The following NHSL1 variants were observed in gnomAD, a reference collection of about 807,000 sequenced individuals.
NHSL1 encodes the protein NHS-like protein 1.
A neutral mutation model predicts 95.0 loss-of-function variants in NHSL1; 48 were observed. The ratio of observed to expected loss-of-function variants is 0.51; its 90% CI spans 0.40 to 0.64. The LOEUF is 0.64. Among genes scored for constraint, NHSL1 ranks in the 30% least tolerant of loss-of-function variants. The pLI is 0.00. For missense variants in NHSL1, 1,971 were observed against 2,077.7 expected (o/e 0.95, Z 1.00); for synonymous variants, 783 against 833.9 (o/e 0.94, Z 1.05).
chr6:138,592,613 AAAC>A (rs1356304196), intron 1 of NHSL1, among the ~76,000 whole-genome samples: 4 of 134,178 alleles, frequency 3.0e-5, no homozygotes, highest in East Asian at 4.7e-4. Flanking sequence ...AAAAAACAAA[AAAC>A]AACAAAAAAC....
At chr6:138,662,701 A>C (rs1026371905) in intron 1 of NHSL1, among the ~76,000 whole-genome samples, 3 of 152,176 alleles carry the variant, frequency 2.0e-5, no homozygotes, top group Non-Finnish European at 2.9e-5. Flanking sequence ...ACAAGCATGG[A>C]TATATGACGA....
Position 138,433,088 on chromosome 6 carries a change from A to G in NHSL1, c.1257T>C (p.Ser419=). The change falls in exon 6 of 8, where the codon TCT becomes TCC. Residue 419 remains serine (S), a synonymous_variant. Coordinates refer to ENST00000343505, the MANE Select transcript of NHSL1 (RefSeq NM_001144060.2). ...STSIIPNATL[S]SSSEVIAIPT... ...GAATAGCGATGACCTCGGAAGAGGA[A>G]GACAGTGTGGCATTTGGGATGATGC... is the stretch of plus-strand genomic sequence containing the variant. 1 of 1,551,066 alleles carries G rather than the reference A, an allele frequency of 6.4e-7. No individual in the cohort carries two copies. Among genetic ancestry groups the G allele is most frequent in the Non-Finnish European group, 8.7e-7 (1 of 1,146,808 alleles).
At chr6:138,447,262 C>A in intron 3 of NHSL1, 69 bp from the exon 4 acceptor site, 2 of 1,308,040 alleles carry the variant, frequency 1.5e-6, no homozygotes, top group Admixed American at 2.7e-5. Context: ...AAATATATTT[C>A]TTATTTTTAA....
At chr6:138,505,901 A>T (rs1780940031) in intron 1 of NHSL1, among the ~76,000 whole-genome samples, 1 of 152,178 alleles carries the variant, frequency 6.6e-6, no homozygotes, top group African/African-American at 2.4e-5. Context: ...GGGTGTTTTT[A>T]AAAATCAAGT....
chr6:138,612,074 C>T (rs1314962155), intron 1 of NHSL1, among the ~76,000 whole-genome samples: 1 of 138,870 alleles, frequency 7.2e-6, no homozygotes, highest in Non-Finnish European at 1.5e-5. Context: ...CACGCCACTG[C>T]ACTCCAGCCT....
chr6:138,572,847 G>GTAGGTAGATAGATAGA (rs1491371552), upstream of NHSL1, among the ~76,000 whole-genome samples: 15 of 149,852 alleles, frequency 1.0e-4, no homozygotes, highest in Non-Finnish European at 1.9e-4. Flanking sequence ...GCTTAATACA[G>GTAGGTAGATAGATAGA]TAGATAGATA....
At chr6:138,452,741 C>T (rs560922597) in intron 3 of NHSL1, among the ~76,000 whole-genome samples, 142 of 152,184 alleles carry the variant, frequency 9.3e-4, no homozygotes, top group African/African-American at 3.3e-3. Flanking sequence ...ACGTCTGCAG[C>T]CTTTTGGCTA....
At chr6:138,429,677 GTAGAT>G (rs1459474163) in intron 7 of NHSL1, 29 bp downstream of exon 7, 1 of 1,526,414 alleles carries the variant, frequency 6.6e-7, no homozygotes. Flanking sequence ...GAATTACACA[GTAGAT>G]TAAAGTCAGA....
At chr6:138,630,047 T>C (rs907360659) in intron 1 of NHSL1, among the ~76,000 whole-genome samples, 4 of 152,170 alleles carry the variant, frequency 2.6e-5, no homozygotes, top group African/African-American at 7.2e-5. Flanking sequence ...ACCCTGTCTC[T>C]ACAAAAAATC....
In NHSL1 at chr6:138,496,210, C is replaced by T. The variant is rs1311841919; in HGVS notation, c.211+9G>A. 6.4e-6 allele frequency: 10 copies of T among 1,550,656 alleles called. No homozygotes were observed. The highest frequency in any genetic ancestry group is 7.8e-6 in the Non-Finnish European group (9 of 1,146,578). ...CAAGAAAATAAGCTCACAGAGGATG[C>T]CATCTTACCCCTCAGTACTGATTTG... On this transcript the variant is annotated intron_variant, in intron 2 of 7. Coordinates refer to ENST00000343505, the MANE Select transcript of NHSL1 (RefSeq NM_001144060.2).
chr6:138,635,483 T>C (rs1190973358), intron 1 of NHSL1, among the ~76,000 whole-genome samples: 2 of 152,162 alleles, frequency 1.3e-5, no homozygotes, highest in East Asian at 3.9e-4. Flanking sequence ...GATTGAACCA[T>C]GAAGAAATCC....
intron 1 of NHSL1, among the ~76,000 whole-genome samples, chr6:138,620,523 T>C (rs1784641563): frequency 6.6e-6 from 1 of 152,208 alleles, no homozygotes; most frequent in Non-Finnish European, 1.5e-5. Flanking sequence ...GTATCATTTC[T>C]AGAAAATAGG....
intron 1 of NHSL1, among the ~76,000 whole-genome samples, chr6:138,619,597 T>C (rs192704447): frequency 8.5e-5 from 13 of 152,144 alleles, no homozygotes; most frequent in South Asian, 4.1e-4. Flanking sequence ...GTTTGAGGAG[T>C]GTACAAATAG....
At chr6:138,528,524 C>T (rs1002436573) in intron 1 of NHSL1, among the ~76,000 whole-genome samples, 2 of 152,158 alleles carry the variant, frequency 1.3e-5, no homozygotes, top group East Asian at 3.8e-4. Flanking sequence ...GAGGGAAAAA[C>T]ATATAATTCA....
Position 138,430,727 on chromosome 6 carries a change from TG to T in NHSL1, c.3617del (p.Pro1206HisfsTer15). On this transcript the variant is annotated frameshift_variant, in exon 6 of 8. Coordinates refer to ENST00000343505, the MANE Select transcript of NHSL1 (RefSeq NM_001144060.2). LOFTEE classifies it high-confidence loss of function. The surrounding 1 kb of genome is among the most constrained non-coding windows in gnomAD (Gnocchi z 4.7). ...SKKPKLFLVV[P>X]PPQKDFAVEP... The stretch of plus-strand genomic sequence containing the variant: ...CCACTGCAAAATCTTTCTGCGGAGG[TG>T]GTACCACCAGGAACAGTTTGGGCTT... 6.4e-7 allele frequency: 1 copy of T among 1,551,510 alleles called. No homozygotes were observed. Among genetic ancestry groups the T allele is most frequent in the Non-Finnish European group, 8.7e-7 (1 of 1,146,974 alleles).
Position 138,431,496 on chromosome 6 carries a change from A to C in NHSL1, c.2849T>G (p.Leu950Arg). Residue 950 changes from leucine (L) to arginine (R), a missense_variant, in exon 6 of 8, where the codon CTT (leucine) becomes CGT (arginine). Leu to Arg is a moderately radical substitution (Grantham distance 102, BLOSUM62 -2). Around this residue, in one of 3 missense-constraint regions of NHSL1, gnomAD observed 1,602 missense variants for 1,654.5 expected, o/e 0.97. Coordinates refer to ENST00000343505, the MANE Select transcript of NHSL1 (RefSeq NM_001144060.2). The surrounding 1 kb of genome is among the most constrained non-coding windows in gnomAD (Gnocchi z 4.0). ...ATCTGTGACAGGAGGTGGGGGAGGAAGGAAAGGAGACCTGTCTGCAGGACA... is the reference window on the plus strand; with the variant it reads ...ATCTGTGACAGGAGGTGGGGGAGGACGGAAAGGAGACCTGTCTGCAGGACA... ...FPCPADRSPF[L>R]PPPPPVTDCS... The C allele has an allele frequency of 6.4e-7, 1 of 1,551,052 alleles. No individual in the cohort carries two copies. Among genetic ancestry groups the C allele is most frequent in the Non-Finnish European group, 8.7e-7 (1 of 1,146,796 alleles).
chr6:138,605,685 A>G (rs1467269832), intron 1 of NHSL1, among the ~76,000 whole-genome samples: 1 of 152,220 alleles, frequency 6.6e-6, no homozygotes, highest in Non-Finnish European at 1.5e-5. Flanking sequence ...GAAGCATCAT[A>G]TGATTAAAAT....
Position 138,432,121 on chromosome 6 carries a change from C to T in NHSL1, c.2224G>A (p.Val742Ile), listed in dbSNP as rs533294851. ...GAAGTCATGCTGCTGCCAGCACTAA[C>T]TGTGCTCTGGCTCCGGGAGCGGGGC... Reference protein sequence around the residue: ...WLPRSRSQSTVSAGSSMTSAT... With the variant: ...WLPRSRSQSTISAGSSMTSAT... Residue 742 changes from valine to isoleucine, a missense_variant, in exon 6 of 8, where the codon GTT becomes ATT. By Grantham distance (29) the Val-to-Ile change is conservative. Transcript: ENST00000343505. The surrounding 1 kb of genome is among the most constrained non-coding windows in gnomAD (Gnocchi z 4.4). The T allele has an allele frequency of 1.3e-6, 2 of 1,550,618 alleles. No individual in the cohort carries two copies. Among genetic ancestry groups the T allele is most frequent in the African/African-American group, 2.7e-5 (2 of 73,156 alleles).
At chr6:138,496,804 C>G (rs140319283) in intron 1 of NHSL1, among the ~76,000 whole-genome samples, 373 of 152,286 alleles carry the variant, frequency 2.4e-3, no homozygotes, top group Non-Finnish European at 4.4e-3. Context: ...AATTTCCTAC[C>G]AGGAGGTTTA....
Sources: allele counts gnomAD v4.1 joint callset (sites outside exome capture counted in the v4.1 genomes callset), GRCh38; gene constraint gnomAD v4.1.1; regional missense constraint gnomAD v4.1.1; non-coding constraint Gnocchi (gnomAD v3.1); transcripts MANE v1.5; gene names NCBI Gene and HGNC (gene_info 2026-07-23, HGNC 2026-07-21).